Variants in NSD2 observed in about 807,000 individuals in gnomAD.
The protein encoded by NSD2 is nuclear receptor binding SET domain protein 2.
A neutral mutation model predicts 139.0 loss-of-function variants in NSD2; 12 were observed. That is an observed-to-expected ratio of 0.09 (90% CI 0.06 to 0.14). The LOEUF is 0.14. Ranked by LOEUF, NSD2 falls within the 10% of genes least tolerant of loss-of-function variation. The probability of loss-of-function intolerance (pLI) is 1.00; values close to 1 mark genes in which losing one functional copy is unlikely to be tolerated. For missense variants in NSD2, 1,155 were observed against 1,745.0 expected, an observed-to-expected ratio of 0.66 and a Z score of 6.02; for synonymous variants, 669 against 648.7, an observed-to-expected ratio of 1.03 and a Z score of -0.48.
intron 9 of NSD2, chr4:1,943,052 G>A: frequency 3.8e-6 from 4 of 1,050,724 alleles, no homozygotes; most frequent in Non-Finnish European, 2.3e-6. Flanking sequence ...AGGGGATACT[G>A]TAATCAGGTT....
At chr4:1,947,869 T>G in intron 9 of NSD2, 1 of 1,054,096 alleles carries the variant, frequency 9.5e-7, no homozygotes, top group Non-Finnish European at 1.1e-6. Flanking sequence ...AAACTCAATG[T>G]GTATGACGCC....
Position 1,938,446 on chromosome 4 carries a change from A to ATT in NSD2, c.1675-5_1675-4insTT. ...TTTTTTTTTTTTTTTTTTTTTAAAT[A>ATT]ATAGAGAGACACAATCACTGACAAA... On this transcript the variant is annotated splice_region_variant and splice_polypyrimidine_tract_variant and intron_variant, in intron 7 of 21. Coordinates refer to ENST00000508803, the MANE Select transcript of NSD2 (RefSeq NM_001042424.3). 1 of 1,265,522 alleles carries ATT rather than the reference A, an allele frequency of 7.9e-7. No individual in the cohort carries two copies. 78.4% of individuals were successfully genotyped at this position (1,265,522 alleles called of 1,614,324 possible).
At chr4:1,878,351 G>T (rs920007108) in intron 1 of NSD2, among the ~76,000 whole-genome samples, 1 of 140,534 alleles carries the variant, frequency 7.1e-6, no homozygotes, top group Admixed American at 7.6e-5. Flanking sequence ...CAAGTGATCT[G>T]CCTGTCTTGG....
In NSD2 at chr4:1,958,054, C is replaced by T. The variant is rs751307295; in HGVS notation, c.2985+18C>T. The stretch of plus-strand genomic sequence containing the variant: ...ACATCAAGGTGGCGTGTGGGAGCTG[C>T]GTGCACGCGTGTGGAGGGAGTCTTC... On this transcript the variant is annotated intron_variant, in intron 16 of 21. Coordinates refer to ENST00000508803, the MANE Select transcript of NSD2 (RefSeq NM_001042424.3). The surrounding 1 kb of genome is among the most constrained non-coding windows in gnomAD (Gnocchi z 4.6). The T allele has an allele frequency of 9.9e-6, 16 of 1,610,758 alleles. No individual in the cohort carries two copies. The highest frequency in any genetic ancestry group is 4.0e-5 in the African/African-American group (3 of 74,792).
intron 3 of NSD2, among the ~76,000 whole-genome samples, chr4:1,909,094 G>T (rs1332462103): frequency 6.6e-6 from 1 of 151,878 alleles, no homozygotes; most frequent in East Asian, 1.9e-4. Flanking sequence ...ATATATTTTA[G>T]TTCTTATTTT....
chr4:1,918,343 C>T lies in NSD2; in HGVS notation c.1130C>T (p.Ser377Leu). Residue 377 changes from serine (S) to leucine (L), a missense_variant, in exon 5 of 22, where the codon TCA becomes TTA. By Grantham distance (145) the Ser-to-Leu change is moderately radical. This residue lies in a region of NSD2 where 420 missense variants were observed against 469.0 expected (regional missense o/e 0.90). Coordinates refer to ENST00000508803, the MANE Select transcript of NSD2 (RefSeq NM_001042424.3). ...TCTTTGGGAGAAATGGCAGAATCCT[C>T]AGGAGTCAGTGAAGAAGCTGCTGAA... Reference protein sequence around the residue: ...AESLGEMAESSGVSEEAAENP... With the variant: ...AESLGEMAESLGVSEEAAENP... 1 of 1,614,054 alleles carries T rather than the reference C, an allele frequency of 6.2e-7. No homozygotes were observed. Among genetic ancestry groups the T allele is most frequent in the Non-Finnish European group, 8.5e-7 (1 of 1,180,030 alleles).
intron 6 of NSD2, among the ~76,000 whole-genome samples, chr4:1,934,645 C>T (rs1405315935): frequency 4.0e-5 from 6 of 148,720 alleles, no homozygotes; most frequent in South Asian, 2.1e-4. Flanking sequence ...GACAGGAGTT[C>T]GAGACCAGCC....
Position 1,978,772 on chromosome 4 carries a change from T to C in NSD2, c.3961T>C (p.Ser1321Pro), listed in dbSNP as rs763053114. 2.8e-5 allele frequency: 45 copies of C among 1,613,856 alleles called. No individual in the cohort carries two copies. Among genetic ancestry groups the C allele is most frequent in the Non-Finnish European group, 3.6e-5 (43 of 1,179,928 alleles). The change falls in exon 22 of 22, where the codon TCC (serine) becomes CCC (proline). Residue 1321 changes from serine to proline, a missense_variant. By Grantham distance (74) the Ser-to-Pro change is moderately conservative. This residue lies in a region of NSD2 where 132 missense variants were observed against 94.3 expected (regional missense o/e 1.40). Transcript: ENST00000508803. ...CTTCAGCTGCACCCCGGACGGGCGG[T>C]CCTACTGCTGTGAGCATGACTTAGG... is the stretch of plus-strand genomic sequence containing the variant. The part of the protein sequence containing the change: ...TAFSCTPDGR[S>P]YCCEHDLGAA...
chr4:1,929,572 T>A (rs1721387344), intron 5 of NSD2, among the ~76,000 whole-genome samples: 1 of 152,212 alleles, frequency 6.6e-6, no homozygotes, highest in Non-Finnish European at 1.5e-5. Context: ...TCTGCTGTTG[T>A]GGCAGGAAGA....
intron 5 of NSD2, among the ~76,000 whole-genome samples, chr4:1,923,266 A>G (rs1017888379): frequency 2.1e-5 from 3 of 145,110 alleles, no homozygotes; most frequent in Non-Finnish European, 4.5e-5. Flanking sequence ...AAGCGGGAGG[A>G]TTGCTTGAGC....
intron 18 of NSD2, among the ~76,000 whole-genome samples, chr4:1,962,927 G>A (rs1294011575): frequency 6.6e-6 from 1 of 152,094 alleles, no homozygotes; most frequent in African/African-American, 2.4e-5. Flanking sequence ...CTGTCAGGGC[G>A]CACCACCCAG....
At chr4:1,897,545 A>T (rs1046318997) in intron 1 of NSD2, among the ~76,000 whole-genome samples, 1 of 152,182 alleles carries the variant, frequency 6.6e-6, no homozygotes, top group African/African-American at 2.4e-5. Context: ...TAATGCCAGC[A>T]CTTTGGGAAG....
At chr4:1,944,417 A>G (rs941342318) in intron 9 of NSD2, 4 of 1,065,246 alleles carry the variant, frequency 3.8e-6, no homozygotes, top group Non-Finnish European at 4.5e-6. Flanking sequence ...TTCTAGCCTT[A>G]AGACATTTGA....
Position 1,978,861 on chromosome 4 carries a change from G to A in NSD2, c.4050G>A (p.Gly1350=). The change falls in exon 22 of 22, where the codon GGG becomes GGA. Residue 1350 remains glycine (G), a synonymous_variant. Coordinates refer to ENST00000508803, the MANE Select transcript of NSD2 (RefSeq NM_001042424.3). ...KPPPEPGKPK[G]KRRRRRGWRR... ...CCCCAGAGCCAGGGAAGCCGAAGGG[G>A]AAGAGGCGGCGGCGGAGGGGCTGGC... 1 of 1,598,606 alleles carries A rather than the reference G, an allele frequency of 6.3e-7. No homozygotes were observed.
At chr4:1,966,346 G>T (rs538715977) in intron 18 of NSD2, among the ~76,000 whole-genome samples, 2 of 119,152 alleles carry the variant, frequency 1.7e-5, no homozygotes, top group South Asian at 6.8e-4. Flanking sequence ...CCATTTGTTT[G>T]TTTGTTGTCT....
intron 3 of NSD2, 78 bp downstream of exon 3, chr4:1,904,456 T>C (rs1305587721): frequency 2.1e-6 from 3 of 1,454,668 alleles, no homozygotes; most frequent in Non-Finnish European, 2.8e-6. Flanking sequence ...TCTTTCTTAC[T>C]CTTTCTAAAT....
Position 1,918,138 on chromosome 4 carries a change from C to A in NSD2, c.928-3C>A. On this transcript the variant is annotated splice_polypyrimidine_tract_variant and splice_region_variant and intron_variant, in intron 4 of 21. Transcript: ENST00000508803. ...CTTACAGTGTCTCTTTTTTTTTTCC[C>A]AGCTATTGAAACCAATTTCAGGGAA... 6.3e-7 allele frequency: 1 copy of A among 1,585,528 alleles called. No individual in the cohort carries two copies. Among genetic ancestry groups the A allele is most frequent in the Non-Finnish European group, 8.5e-7 (1 of 1,170,752 alleles).
At position 1,974,092 on chromosome 4, in the gene NSD2, C is replaced by A. The variant is rs1371473648; in HGVS notation, c.3373-771C>A. 6.6e-6 allele frequency among the ~76,000 whole-genome samples: 1 copy of A among 152,220 alleles called. No individual in the cohort carries two copies. The highest frequency in any genetic ancestry group is 2.4e-5 in the African/African-American group (1 of 41,458). On this transcript the variant is annotated intron_variant, in intron 18 of 21. Transcript: ENST00000508803. This position sits in a 1 kb window ranked among gnomAD's most constrained non-coding sequence, Gnocchi z 4.0. ...CCCCTCATCTCAGCCAACGCCACAT[C>A]AGCGCCATGGGTGCAAAGTCAGAGC...
chr4:1,887,811 C>G (rs1715228834), intron 1 of NSD2: 1 of 152,120 alleles, frequency 6.6e-6, no homozygotes, highest in Non-Finnish European at 1.5e-5. Flanking sequence ...GCTTTATTTT[C>G]CATGTATCTG....
Sources: gnomAD v4.1 joint callset for allele counts (sites outside exome capture counted in the v4.1 genomes callset) on GRCh38, gnomAD v4.1.1 for gene constraint, gnomAD v4.1.1 regional missense constraint, Gnocchi (gnomAD v3.1) non-coding constraint, MANE v1.5 for transcripts, NCBI Gene and HGNC (gene_info 2026-07-23, HGNC 2026-07-21) for gene names.